Variants in SGCE observed in about 807,000 individuals in gnomAD.
SGCE encodes sarcoglycan epsilon, also known as epsilon-sarcoglycan.
In SGCE, 26 loss-of-function variants were observed where a neutral mutation model predicts 57.8. The ratio of observed to expected loss-of-function variants is 0.45; its 90% confidence interval spans 0.33 to 0.62. The LOEUF (loss-of-function observed/expected upper bound fraction) is 0.62. Among genes scored for constraint, SGCE ranks in the 20% least tolerant of loss-of-function variants. The probability of loss-of-function intolerance (pLI) is 0.02; values close to 1 mark genes in which losing one functional copy is unlikely to be tolerated. For synonymous variants in SGCE, 183 were observed against 189.5 expected (o/e 0.97, Z 0.28); for missense variants, 468 against 548.6 (o/e 0.85, Z 1.47).
At chr7:94,613,073 CT>C (rs1488007063) in intron 5 of SGCE, among the ~76,000 whole-genome samples, 1 of 152,192 alleles carries the variant, frequency 6.6e-6, no homozygotes, top group African/African-American at 2.4e-5. Context: ...CTCAGGTAGC[CT>C]ACTGGCTAAA....
chr7:94,591,923 G>A (rs1797736996), intron 9 of SGCE, among the ~76,000 whole-genome samples: 1 of 152,150 alleles, frequency 6.6e-6, no homozygotes, highest in Non-Finnish European at 1.5e-5. Context: ...GTTCTAAGTG[G>A]TTGTGTTTGA....
rs774159271 is a variant in SGCE, at chr7:94,598,762, A to G, written c.1253+13T>C. ...ATGCATATTAATAATTATGGCTCTA[A>G]GTGGACACTTACTGCTGCGTTTGCA... On this transcript the variant is annotated intron_variant, in intron 9 of 10. Coordinates refer to ENST00000648936, the MANE Select transcript of SGCE (RefSeq NM_003919.3). 7.7e-6 allele frequency: 12 copies of G among 1,567,628 alleles called. No individual in the cohort carries two copies. The highest frequency in any genetic ancestry group is 1.1e-5 in the Non-Finnish European group (12 of 1,137,702).
intron 4 of SGCE, chr7:94,621,847 A>G (rs1802836355): frequency 6.6e-6 from 1 of 152,162 alleles, no homozygotes; most frequent in African/African-American, 2.4e-5. Flanking sequence ...ATAAATACCT[A>G]CCAAAAGCCT....
In SGCE at chr7:94,598,963, G is replaced by T; in HGVS notation, c.1065C>A (p.Asp355Glu). The change falls in exon 9 of 11, where the codon GAC (aspartate) becomes GAA (glutamate). Residue 355 changes from aspartate to glutamate, a missense_variant and splice_region_variant. Asp to Glu is a conservative substitution (Grantham distance 45, BLOSUM62 2). Coordinates refer to ENST00000648936, the MANE Select transcript of SGCE (RefSeq NM_003919.3). ...GVEKRNMQTP[D>E]IQLVHHSAIQ... ...TAGCACTGTGATGGACCAGTTGGAT[G>T]CTAGGTCAAAAAGAAATAAAACAAC... is the stretch of plus-strand genomic sequence containing the variant. 1 of 1,611,938 alleles carries T rather than the reference G, an allele frequency of 6.2e-7. No individual in the cohort carries two copies. Among genetic ancestry groups the T allele is most frequent in the Non-Finnish European group, 8.5e-7 (1 of 1,178,290 alleles).
intron 2 of SGCE, chr7:94,629,498 G>C (rs1192341014): frequency 6.6e-6 from 3 of 455,298 alleles, no homozygotes; most frequent in Non-Finnish European, 8.0e-6. Context: ...ACTCAAGACT[G>C]AGAATCCAGA....
At chr7:94,652,452 A>AT (rs968396694) in intron 1 of SGCE, among the ~76,000 whole-genome samples, 6 of 152,148 alleles carry the variant, frequency 3.9e-5, no homozygotes, top group Non-Finnish European at 1.5e-5. Flanking sequence ...TGACTTGGGA[A>AT]TTTTTTTAAC....
chr7:94,588,786 A>G, intron 9 of SGCE, 54 bp from the exon 10 acceptor site: 1 of 1,610,568 alleles, frequency 6.2e-7, no homozygotes, highest in South Asian at 1.1e-5. Context: ...ACTTGTAAAC[A>G]GAGAGCAGAC....
rs1254857787 is a variant in SGCE, at chr7:94,654,218, T to TA, written c.109+1771dup. On this transcript the variant is annotated intron_variant, in intron 1 of 10. Coordinates refer to ENST00000648936, the MANE Select transcript of SGCE (RefSeq NM_003919.3). Reference sequence around the variant, plus strand: ...ATGGTAAAATACTAATTACGTTTTTTAAAAAAAGTCCTGGTTAGCATTTTG... The same window carrying TA: ...ATGGTAAAATACTAATTACGTTTTTTAAAAAAAAGTCCTGGTTAGCATTTTG... Among the ~76,000 whole-genome samples, 9 of 152,114 alleles carry TA rather than the reference T, an allele frequency of 5.9e-5. No homozygotes were observed. In the East Asian group the frequency reaches 1.3e-3, roughly 23 times the overall value.
At chr7:94,636,588 G>T (rs576255437) in intron 1 of SGCE, among the ~76,000 whole-genome samples, 1 of 152,256 alleles carries the variant, frequency 6.6e-6, no homozygotes, top group East Asian at 1.9e-4. Context: ...TGCTCAAGTA[G>T]GTCCCCTACT....
intron 5 of SGCE, among the ~76,000 whole-genome samples, chr7:94,611,370 A>C (rs929819508): frequency 6.6e-6 from 1 of 152,162 alleles, no homozygotes; most frequent in Non-Finnish European, 1.5e-5. Flanking sequence ...AATGTTATAC[A>C]AAGTGAAAGA....
chr7:94,653,948 G>T (rs1424851786), intron 1 of SGCE, among the ~76,000 whole-genome samples: 1 of 152,010 alleles, frequency 6.6e-6, no homozygotes, highest in Non-Finnish European at 1.5e-5. Context: ...TCTTTGGAAA[G>T]AAAATAATCG....
chr7:94,640,015 C>A (rs540072219), intron 1 of SGCE, among the ~76,000 whole-genome samples: 3 of 152,144 alleles, frequency 2.0e-5, no homozygotes, highest in African/African-American at 7.2e-5. Flanking sequence ...GGAGATAATA[C>A]TGACATGGAG....
intron 9 of SGCE, among the ~76,000 whole-genome samples, chr7:94,593,427 G>A (rs1584496184): frequency 6.6e-6 from 1 of 151,954 alleles, no homozygotes; most frequent in African/African-American, 2.4e-5. Context: ...ATTGATGTTG[G>A]CATAAGAAAA....
intron 7 of SGCE, 183 bp from the exon 8 acceptor site, chr7:94,599,906 A>C: frequency 2.0e-6 from 1 of 492,216 alleles, no homozygotes; most frequent in Non-Finnish European, 3.6e-6. Context: ...CAGCGATGGA[A>C]TACTGATGAG....
intron 4 of SGCE, chr7:94,619,416 T>G (rs1357671269): frequency 1.3e-5 from 2 of 153,286 alleles, no homozygotes; most frequent in African/African-American, 4.8e-5. Flanking sequence ...AAAGTTCTCA[T>G]GGAATTCCAC....
chr7:94,589,504 A>AC (rs1797367542), intron 9 of SGCE: 1 of 152,314 alleles, frequency 6.6e-6, no homozygotes, highest in Non-Finnish European at 1.5e-5. Context: ...GGGGTCCCCA[A>AC]CCCCTGGGAC....
chr7:94,587,708 A>C, intron 10 of SGCE: 1 of 1,534,198 alleles, frequency 6.5e-7, no homozygotes, highest in Non-Finnish European at 8.8e-7. Flanking sequence ...GCAAGTAATC[A>C]AAATTGTAGG....
chr7:94,623,236 T>A lies in SGCE; in HGVS notation c.463+89A>T, dbSNP rs967602934. The A allele has an allele frequency of 6.3e-6, 5 of 791,438 alleles. No individual in the cohort carries two copies. In the African/African-American group the frequency reaches 8.8e-5, roughly 14 times the overall value. 49.0% of individuals were successfully genotyped at this position (791,438 alleles called of 1,614,324 possible). A position where few individuals can be genotyped will look rare whatever the true frequency, so the allele number is the denominator to read the frequency against. ...CAGTTATATTAGGTATGTGGCATTT[T>A]AAAATTCTTGACTATATTTTATGTA... On this transcript the variant is annotated intron_variant, in intron 4 of 10. Transcript: ENST00000648936.
chr7:94,609,186 A>C (rs1313523432), intron 5 of SGCE, among the ~76,000 whole-genome samples: 1 of 152,242 alleles, frequency 6.6e-6, no homozygotes, highest in African/African-American at 2.4e-5. Flanking sequence ...GTTATCCAAA[A>C]TATACAAAAA....
Sources: gnomAD v4.1 joint callset for allele counts (sites outside exome capture counted in the v4.1 genomes callset) on GRCh38, gnomAD v4.1.1 for gene constraint, MANE v1.5 for transcripts, NCBI Gene and HGNC (gene_info 2026-07-23, HGNC 2026-07-21) for gene names.